Variants in AFF3 observed in about 807,000 individuals in gnomAD.
The protein encoded by AFF3 is ALF transcription elongation factor 3.
Under a neutral mutation model 129.7 loss-of-function variants are expected in AFF3, and 32 were observed. The ratio of observed to expected loss-of-function variants is 0.25; its 90% confidence interval spans 0.19 to 0.33. AFF3 has a LOEUF of 0.33. AFF3 is among the 10% of genes least tolerant of loss of function. AFF3 has a pLI of 1.00. For missense variants in AFF3, 1,373 were observed against 1,592.0 expected (o/e 0.86, Z 2.34); for synonymous variants, 644 against 635.4 (o/e 1.01, Z -0.20).
chr2:99,777,545 T>C (rs1462052732), intron 8 of AFF3, among the ~76,000 whole-genome samples: 2 of 152,102 alleles, frequency 1.3e-5, no homozygotes, highest in Admixed American at 1.3e-4. Context: ...GCACTGGATA[T>C]TTATGTCCTT....
At chr2:100,019,726 G>T (rs534527106) in intron 4 of AFF3, among the ~76,000 whole-genome samples, 18 of 152,282 alleles carry the variant, frequency 1.2e-4, no homozygotes, top group Non-Finnish European at 2.1e-4. Flanking sequence ...CGGGATGTGA[G>T]GTCAGGGGCT....
chr2:100,142,095 G>T (rs143735492), intron 1 of AFF3, among the ~76,000 whole-genome samples: 7 of 152,058 alleles, frequency 4.6e-5, no homozygotes, highest in African/African-American at 7.3e-5. Context: ...TGAGGTTATA[G>T]CTAATGAGCA....
At position 99,706,611 on chromosome 2, in the gene AFF3, C is replaced by T. The variant is rs571436309; in HGVS notation, c.1091+20466G>A. 1.5e-3 allele frequency among the ~76,000 whole-genome samples: 234 copies of T among 152,264 alleles called. 1 individual carries two copies. Among genetic ancestry groups the T allele is most frequent in the African/African-American group, 5.5e-3 (228 of 41,554 alleles). ...ACCTTATAAAAGAAACAGTAAGACA[C>T]AGAATGGAGGAAGGACTATAGAAAA... On this transcript the variant is annotated intron_variant, in intron 11 of 24. Coordinates refer to ENST00000672756, the MANE Select transcript of AFF3 (RefSeq NM_001386135.1).
At chr2:99,937,295 G>C (rs1459194057) in intron 7 of AFF3, among the ~76,000 whole-genome samples, 6 of 152,152 alleles carry the variant, frequency 3.9e-5, no homozygotes, top group Admixed American at 2.0e-4. Flanking sequence ...GTGATGTCCT[G>C]GTCTGAAAGG....
chr2:99,962,116 A>G (rs1186043527), intron 7 of AFF3, among the ~76,000 whole-genome samples: 1 of 152,108 alleles, frequency 6.6e-6, no homozygotes, highest in African/African-American at 2.4e-5. Context: ...CTCTTTATCC[A>G]TTTCCTTCTT....
chr2:99,731,766 C>T (rs1679850533), intron 10 of AFF3, among the ~76,000 whole-genome samples: 1 of 152,212 alleles, frequency 6.6e-6, no homozygotes, highest in Non-Finnish European at 1.5e-5. Flanking sequence ...GGCAATGTCA[C>T]TAAGGTAGAA....
At chr2:99,599,798 T>C (rs559110495) in intron 14 of AFF3, among the ~76,000 whole-genome samples, 1 of 152,316 alleles carries the variant, frequency 6.6e-6, no homozygotes, top group African/African-American at 2.4e-5. Context: ...CTCCACAAAG[T>C]ATAGCATAAA....
intron 2 of AFF3, among the ~76,000 whole-genome samples, chr2:100,126,993 G>C (rs931751457): frequency 1.3e-5 from 2 of 152,150 alleles, no homozygotes; most frequent in Non-Finnish European, 2.9e-5. Context: ...TGAGCTGTTG[G>C]CTGCTCTGTG....
intron 18 of AFF3, chr2:99,572,566 C>T (rs544212712): frequency 7.0e-5 from 32 of 455,298 alleles, no homozygotes; most frequent in African/African-American, 6.2e-4. Flanking sequence ...ACAACAAGTT[C>T]CTCGGCGCGG....
At position 99,667,016 on chromosome 2, in the gene AFF3, G is replaced by T. The variant is rs566987597; in HGVS notation, c.1143+5522C>A. On this transcript the variant is annotated intron_variant, in intron 12 of 24. Transcript: ENST00000672756. Reference sequence around the variant, plus strand: ...GCAATGAGACAGAAAGTCCAGAAAAGATACAAAAGAACATCAAATAAGATT... The same window carrying T: ...GCAATGAGACAGAAAGTCCAGAAAATATACAAAAGAACATCAAATAAGATT... 6.6e-5 allele frequency among the ~76,000 whole-genome samples: 10 copies of T among 152,204 alleles called. No individual in the cohort carries two copies. The South Asian group carries it at 1.9e-3, about 28-fold the overall frequency.
chr2:99,793,839 A>C (rs1351704811), intron 8 of AFF3, among the ~76,000 whole-genome samples: 5 of 152,230 alleles, frequency 3.3e-5, no homozygotes, highest in African/African-American at 9.6e-5. Context: ...TACTCTTTGT[A>C]CTTGAGATTC....
At chr2:99,945,241 A>G (rs1053700082) in intron 7 of AFF3, among the ~76,000 whole-genome samples, 7 of 152,206 alleles carry the variant, frequency 4.6e-5, no homozygotes, top group African/African-American at 1.7e-4. Flanking sequence ...TTCTTTACAC[A>G]CAGAATTAGC....
At chr2:99,631,039 G>A (rs1269191753) in intron 13 of AFF3, 1 of 455,482 alleles carries the variant, frequency 2.2e-6, no homozygotes. Flanking sequence ...AACACTGTGA[G>A]CTGCTGCAGG....
At chr2:99,858,517 C>G (rs1331587000) in intron 7 of AFF3, among the ~76,000 whole-genome samples, 11 of 152,048 alleles carry the variant, frequency 7.2e-5, no homozygotes, top group Admixed American at 7.2e-4. Context: ...CCCCACTGCA[C>G]TCCAGCCCAG....
At chr2:99,739,903 C>T (rs1471120263) in intron 10 of AFF3, among the ~76,000 whole-genome samples, 2 of 151,672 alleles carry the variant, frequency 1.3e-5, no homozygotes, top group Admixed American at 6.6e-5. Flanking sequence ...TGCTGGTGTG[C>T]TGCACCCATT....
chr2:99,986,072 G>A (rs1260866141), intron 7 of AFF3, among the ~76,000 whole-genome samples: 1 of 151,688 alleles, frequency 6.6e-6, no homozygotes, highest in Admixed American at 6.6e-5. Flanking sequence ...GTGGTGGTGG[G>A]TGCCTATAGT....
intron 13 of AFF3, among the ~76,000 whole-genome samples, chr2:99,633,878 T>G (rs116365711): frequency 0.01 from 1,568 of 151,686 alleles, 29 homozygotes; most frequent in African/African-American, 0.037. Flanking sequence ...CCTGCAGAAC[T>G]GTGAGCCAAA....
intron 12 of AFF3, among the ~76,000 whole-genome samples, chr2:99,658,814 A>G (rs1685983917): frequency 6.6e-6 from 1 of 152,098 alleles, no homozygotes; most frequent in Non-Finnish European, 1.5e-5. Context: ...GGACTAGGTG[A>G]ATTCTGAACT....
chr2:100,056,929 A>G (rs1047502831), intron 4 of AFF3, among the ~76,000 whole-genome samples: 1 of 144,032 alleles, frequency 6.9e-6, no homozygotes, highest in Non-Finnish European at 1.5e-5. Context: ...AGCTGGTTCA[A>G]TAAGTAAAGC....
Sources: allele counts gnomAD v4.1 joint callset (sites outside exome capture counted in the v4.1 genomes callset), GRCh38; gene constraint gnomAD v4.1.1; transcripts MANE v1.5; gene names NCBI Gene and HGNC (gene_info 2026-07-23, HGNC 2026-07-21).